RBFOX1: variants seen among roughly 807,000 people sequenced by gnomAD.
RBFOX1 encodes the protein RNA binding protein fox-1 homolog 1.
In RBFOX1, 8 loss-of-function variants were observed where a neutral mutation model predicts 57.7. That is an observed-to-expected ratio of 0.14 (90% CI 0.08 to 0.25). The LOEUF (loss-of-function observed/expected upper bound fraction) is 0.25, where lower values mean the gene tolerates loss of function less well. Ranked by LOEUF, RBFOX1 falls within the 10% of genes least tolerant of loss-of-function variation. The pLI is 1.00. For synonymous variants in RBFOX1, 326 were observed against 222.4 expected (o/e 1.47, Z -4.15); for missense variants, 611 against 548.5 (o/e 1.11, Z -1.14).
chr16:6,555,089 G>A (rs936807726), intron 2 of RBFOX1, among the ~76,000 whole-genome samples: 1 of 152,214 alleles, frequency 6.6e-6, no homozygotes, highest in African/African-American at 2.4e-5. Flanking sequence ...GGAAACACAG[G>A]GAAGGAGGAT....
chr16:7,399,340 G>T (rs192249583), intron 4 of RBFOX1, among the ~76,000 whole-genome samples: 23 of 152,236 alleles, frequency 1.5e-4, no homozygotes, highest in Non-Finnish European at 7.4e-5. Flanking sequence ...GCAGCTACGT[G>T]GGAGGCTGAA....
intron 14 of RBFOX1, among the ~76,000 whole-genome samples, chr16:7,679,730 CCAT>C (rs2074264552): frequency 6.6e-6 from 1 of 151,858 alleles, no homozygotes; most frequent in African/African-American, 2.4e-5. Context: ...AACTCCCTGC[CCAT>C]CATCTTCTTG....
intron 3 of RBFOX1, among the ~76,000 whole-genome samples, chr16:5,859,335 C>G (rs897907803): frequency 1.1e-4 from 17 of 152,206 alleles, no homozygotes; most frequent in Non-Finnish European, 2.9e-5. Flanking sequence ...CTTGAACTCA[C>G]AAAACCACAG....
At chr16:6,747,976 T>C (rs117074382) in intron 3 of RBFOX1, among the ~76,000 whole-genome samples, 1 of 152,188 alleles carries the variant, frequency 6.6e-6, no homozygotes, top group Admixed American at 6.5e-5. Flanking sequence ...CTTTCTCTTT[T>C]GAAATGCACC....
rs149717135 is a variant in RBFOX1, at chr16:6,959,672, C to T, written c.-15-92385C>T. Among the ~76,000 whole-genome samples, 4 of 152,208 alleles carry T rather than the reference C, an allele frequency of 2.6e-5. No individual in the cohort carries two copies. The East Asian group carries it at 7.7e-4, about 29-fold the overall frequency. On this transcript the variant is annotated intron_variant, in intron 3 of 15. Transcript: ENST00000550418. ...AAAGCTGAGGCTGGGCGTAATGGCT[C>T]ACATCTGTAATCTCTAAACTTGGGG...
intron 1 of RBFOX1, among the ~76,000 whole-genome samples, chr16:5,290,595 C>T (rs2063509279): frequency 6.6e-6 from 1 of 151,816 alleles, no homozygotes; most frequent in African/African-American, 2.4e-5. Flanking sequence ...GAAGAGATGA[C>T]ACTTAAGGAG....
At chr16:6,662,092 A>G (rs1028877341) in intron 3 of RBFOX1, among the ~76,000 whole-genome samples, 1 of 150,598 alleles carries the variant, frequency 6.6e-6, no homozygotes, top group African/African-American at 2.5e-5. Context: ...TGAAACTCAA[A>G]GAAGCAGAGA....
At position 5,475,644 on chromosome 16, in the gene RBFOX1, C is replaced by G. The variant is rs896964151; in HGVS notation, c.258+8390C>G. On this transcript the variant is annotated intron_variant, in intron 2 of 2. Coordinates refer to the RBFOX1 transcript ENST00000585867. The stretch of plus-strand genomic sequence containing the variant: ...TGCTTAAGCACCACATATAGAATTT[C>G]TCACCTAATCTTTGTGACAACCCAG... Among the ~76,000 whole-genome samples, 8 of 152,324 alleles carry G rather than the reference C, an allele frequency of 5.3e-5. No homozygotes were observed. The South Asian group carries it at 1.0e-3, about 20-fold the overall frequency.
chr16:6,087,175 A>G (rs1275005507), intron 1 of RBFOX1, among the ~76,000 whole-genome samples: 1 of 152,200 alleles, frequency 6.6e-6, no homozygotes, highest in South Asian at 2.1e-4. Context: ...CTCACTAGGT[A>G]TTATGACGTT....
At chr16:6,852,717 G>A (rs2094135493) in intron 3 of RBFOX1, among the ~76,000 whole-genome samples, 1 of 152,058 alleles carries the variant, frequency 6.6e-6, no homozygotes, top group South Asian at 2.1e-4. Flanking sequence ...GTGCCAGCGA[G>A]GCGTGGGCTG....
chr16:5,243,106 C>G (rs2062209257), intron 1 of RBFOX1, among the ~76,000 whole-genome samples: 1 of 152,132 alleles, frequency 6.6e-6, no homozygotes, highest in Non-Finnish European at 1.5e-5. Context: ...CCTAGCCCTC[C>G]CCAAGCCTTT....
chr16:6,146,417 C>T (rs2096758614), intron 1 of RBFOX1, among the ~76,000 whole-genome samples: 1 of 151,298 alleles, frequency 6.6e-6, no homozygotes, highest in South Asian at 2.1e-4. Context: ...ACATTTGGGG[C>T]TAGATGATTT....
At chr16:6,655,662 G>A (rs2098645340) in intron 3 of RBFOX1, among the ~76,000 whole-genome samples, 2 of 152,122 alleles carry the variant, frequency 1.3e-5, no homozygotes, top group African/African-American at 4.8e-5. Flanking sequence ...CATCCAAGAA[G>A]ATCAGATTTT....
intron 4 of RBFOX1, among the ~76,000 whole-genome samples, chr16:7,200,418 C>G (rs776903690): frequency 3.9e-5 from 6 of 152,200 alleles, no homozygotes; most frequent in Non-Finnish European, 8.8e-5. Flanking sequence ...CAACTGTGCT[C>G]TCTCCATATT....
intron 3 of RBFOX1, among the ~76,000 whole-genome samples, chr16:5,628,874 C>G (rs8044254): frequency 0.16 from 24,573 of 152,210 alleles, 2,310 homozygotes; most frequent in East Asian, 0.28. Flanking sequence ...AGCATCTGAC[C>G]TAAGCTAAGT....
intron 1 of RBFOX1, among the ~76,000 whole-genome samples, chr16:5,465,880 A>C (rs993298800): frequency 6.6e-6 from 1 of 152,148 alleles, no homozygotes; most frequent in Admixed American, 6.5e-5. Flanking sequence ...GTTGTGCCTG[A>C]GACCTTGGGC....
At chr16:6,370,113 C>G (rs988926502) in intron 2 of RBFOX1, among the ~76,000 whole-genome samples, 1 of 152,044 alleles carries the variant, frequency 6.6e-6, no homozygotes, top group Non-Finnish European at 1.5e-5. Context: ...AATCCCAGCA[C>G]TTTGGGAGGC....
In RBFOX1 at chr16:6,619,937, G is replaced by A. The variant is rs115516013; in HGVS notation, c.-63-34666G>A. 4.9e-3 allele frequency among the ~76,000 whole-genome samples: 744 copies of A among 152,136 alleles called. 5 individuals carry two copies. The highest frequency in any genetic ancestry group is 0.016 in the African/African-American group (675 of 41,504). On this transcript the variant is annotated intron_variant, in intron 2 of 15. Transcript: ENST00000550418. ...ACGTGTTCTCATGGTTTAAGTCCCA[G>A]TTTTAAGTGAGAACAAGGAATATTT...
intron 4 of RBFOX1, among the ~76,000 whole-genome samples, chr16:5,958,018 A>G (rs923573689): frequency 3.9e-5 from 6 of 151,942 alleles, no homozygotes; most frequent in Non-Finnish European, 7.4e-5. Context: ...CTATGTCCAT[A>G]TGTTCAATTA....
Sources: gnomAD v4.1 joint callset for allele counts (sites outside exome capture counted in the v4.1 genomes callset) on GRCh38, gnomAD v4.1.1 for gene constraint, MANE v1.5 for transcripts, NCBI Gene and HGNC (gene_info 2026-07-23, HGNC 2026-07-21) for gene names.